Variants in RIC1 observed in about 807,000 individuals in gnomAD.
The protein encoded by RIC1 is guanine nucleotide exchange factor subunit RIC1.
RIC1 carries 88 observed loss-of-function variants against 169.0 expected under a neutral mutation model. That is an observed-to-expected ratio of 0.52 (90% CI 0.44 to 0.62). The LOEUF is 0.62. RIC1 is among the 20% of genes least tolerant of loss of function. The pLI, the probability that RIC1 is intolerant of heterozygous loss-of-function variation, is 0.00. For synonymous variants in RIC1, 790 were observed against 601.5 expected (o/e 1.31, Z -4.59); for missense variants, 1,877 against 1,725.5 (o/e 1.09, Z -1.56).
chr9:5,728,475 G>A (rs1035619133), intron 6 of RIC1, among the ~76,000 whole-genome samples: 5 of 152,186 alleles, frequency 3.3e-5, no homozygotes, highest in African/African-American at 1.2e-4. Flanking sequence ...GGAATTCCCC[G>A]ACCCCTTGCA....
chr9:5,703,529 G>C (rs532497178), intron 3 of RIC1, among the ~76,000 whole-genome samples: 1 of 152,120 alleles, frequency 6.6e-6, no homozygotes, highest in Non-Finnish European at 1.5e-5. Flanking sequence ...TCTTGTCTGT[G>C]TCTCTCTGGA....
intron 6 of RIC1, among the ~76,000 whole-genome samples, chr9:5,721,449 C>T (rs549351611): frequency 3.3e-5 from 5 of 152,192 alleles, no homozygotes; most frequent in East Asian, 1.9e-4. Context: ...CACACACGCG[C>T]GTGCACACAC....
chr9:5,676,980 A>C (rs559460973), intron 2 of RIC1, among the ~76,000 whole-genome samples: 2 of 152,364 alleles, frequency 1.3e-5, no homozygotes, highest in East Asian at 3.9e-4. Context: ...ACAAAACTAC[A>C]TGAACATTGA....
chr9:5,712,161 A>C (rs948841237), intron 3 of RIC1, among the ~76,000 whole-genome samples: 9 of 152,202 alleles, frequency 5.9e-5, no homozygotes, highest in African/African-American at 2.2e-4. Context: ...ACTGTCTTCC[A>C]CAATAGTTGA....
intron 2 of RIC1, among the ~76,000 whole-genome samples, chr9:5,678,968 AT>A (rs1325964813): frequency 6.6e-6 from 1 of 151,994 alleles, no homozygotes; most frequent in African/African-American, 2.4e-5. Flanking sequence ...TAGGGTTTTT[AT>A]GGTTTTAGGT....
At chr9:5,652,101 T>C (rs1487124606) in intron 1 of RIC1, among the ~76,000 whole-genome samples, 4 of 148,280 alleles carry the variant, frequency 2.7e-5, no homozygotes, top group Admixed American at 2.6e-4. Context: ...CATGGTGTTT[T>C]GGTTAATACA....
intron 13 of RIC1, 33 bp from the exon 14 acceptor site, chr9:5,753,503 C>T: frequency 7.4e-7 from 1 of 1,351,990 alleles, no homozygotes; most frequent in South Asian, 1.3e-5. Context: ...TATAGGTTTG[C>T]AAGGAAAAGT....
chr9:5,631,114 C>T (rs1342332564), intron 1 of RIC1, among the ~76,000 whole-genome samples: 1 of 152,160 alleles, frequency 6.6e-6, no homozygotes, highest in East Asian at 1.9e-4. Context: ...GAAGCATAAA[C>T]ATATGCTTTA....
intron 2 of RIC1, among the ~76,000 whole-genome samples, chr9:5,677,898 G>A (rs1328316720): frequency 2.0e-5 from 3 of 151,784 alleles, no homozygotes; most frequent in African/African-American, 7.3e-5. Flanking sequence ...TGTGCACAAT[G>A]TGTAGGTTTG....
chr9:5,763,310 T>C lies in RIC1; in HGVS notation c.2283T>C (p.His761=). The C allele has an allele frequency of 1.2e-6, 2 of 1,614,152 alleles. No homozygotes were observed. Among genetic ancestry groups the C allele is most frequent in the South Asian group, 1.1e-5 (1 of 91,086 alleles). The change falls in exon 19 of 26, where the codon CAT becomes CAC. Residue 761 remains histidine, a synonymous_variant. Transcript: ENST00000414202. The surrounding 1 kb of genome is among the most constrained non-coding windows in gnomAD (Gnocchi z 5.2). The part of the protein sequence containing the change: ...PLFPRDHRKP[H]SFLSQRIMLP... ...TCCCTAGGGATCACCGCAAGCCCCA[T>C]TCCTTCTTGTCCCAGCGGATCATGC...
At chr9:5,759,499 T>C (rs779144920) in intron 17 of RIC1, among the ~76,000 whole-genome samples, 5 of 152,208 alleles carry the variant, frequency 3.3e-5, no homozygotes, top group Non-Finnish European at 4.4e-5. Flanking sequence ...TTAAAAGTCA[T>C]TTGTGAGGCA....
At chr9:5,706,450 C>G (rs1822590075) in intron 3 of RIC1, among the ~76,000 whole-genome samples, 1 of 150,532 alleles carries the variant, frequency 6.6e-6, no homozygotes, top group Non-Finnish European at 1.5e-5. Flanking sequence ...GACTCTGTCT[C>G]AAAAAAAAGG....
intron 3 of RIC1, among the ~76,000 whole-genome samples, chr9:5,704,339 T>G (rs1822425978): frequency 6.6e-6 from 1 of 151,796 alleles, no homozygotes; most frequent in Admixed American, 6.6e-5. Flanking sequence ...GTCACCAGAG[T>G]AGCTGGGACT....
rs1423770235 is a variant in RIC1 at position 5,746,155 on chromosome 9, T to C, written c.1248+72T>C. 11 of 1,182,812 alleles carry C rather than the reference T, an allele frequency of 9.3e-6. No homozygotes were observed. In the African/African-American group the frequency reaches 1.2e-4, roughly 13 times the overall value. 73.3% of individuals were successfully genotyped at this position (1,182,812 alleles called of 1,614,324 possible). On this transcript the variant is annotated intron_variant, in intron 11 of 25. Coordinates refer to ENST00000414202, the MANE Select transcript of RIC1 (RefSeq NM_020829.4). ...AGCTCAGACCCTTCTTTATGACATATGTATGGCGTATACTTCTAAAATTGG... is the reference window on the plus strand; with the variant it reads ...AGCTCAGACCCTTCTTTATGACATACGTATGGCGTATACTTCTAAAATTGG...
At position 5,763,974 on chromosome 9, in the gene RIC1, C is replaced by G. The variant is rs1162435060; in HGVS notation, c.2841+106C>G. ...TGATTGTGTTTAAGGAATTCATAGT[C>G]AAATTTTCTGTTTATATCTTTAATT... On this transcript the variant is annotated intron_variant, in intron 19 of 25. Transcript: ENST00000414202. This position sits in a 1 kb window ranked among gnomAD's most constrained non-coding sequence, Gnocchi z 5.2. The G allele has an allele frequency of 7.9e-7, 1 of 1,271,614 alleles. No individual in the cohort carries two copies. The highest frequency in any genetic ancestry group is 1.5e-5 in the African/African-American group (1 of 66,942). The allele number at this position is 1,271,614 out of a possible 1,614,324, so 78.8% of individuals were successfully genotyped here. A position where few individuals can be genotyped will look rare whatever the true frequency, so the allele number is the denominator to read the frequency against.
chr9:5,667,331 A>C (rs1258069113), intron 2 of RIC1, among the ~76,000 whole-genome samples: 2 of 152,168 alleles, frequency 1.3e-5, no homozygotes, highest in East Asian at 1.9e-4. Context: ...CAGGAAAAAA[A>C]CAATTTTTGT....
intron 1 of RIC1, among the ~76,000 whole-genome samples, chr9:5,639,008 C>G (rs553643275): frequency 3.9e-4 from 60 of 152,202 alleles, no homozygotes; most frequent in African/African-American, 1.4e-3. Flanking sequence ...CTCAACCTCC[C>G]AAGTTCATGT....
At chr9:5,675,952 G>T (rs980795157) in intron 2 of RIC1, among the ~76,000 whole-genome samples, 1 of 152,168 alleles carries the variant, frequency 6.6e-6, no homozygotes, top group African/African-American at 2.4e-5. Context: ...GACAGTAAAA[G>T]AAATCTAATC....
intron 2 of RIC1, among the ~76,000 whole-genome samples, chr9:5,663,577 G>A (rs905933879): frequency 6.6e-6 from 1 of 152,026 alleles, no homozygotes; most frequent in Non-Finnish European, 1.5e-5. Flanking sequence ...AACGCCCTTT[G>A]CCTTTTTTAT....
Sources: allele counts gnomAD v4.1 joint callset (sites outside exome capture counted in the v4.1 genomes callset), GRCh38; gene constraint gnomAD v4.1.1; non-coding constraint Gnocchi (gnomAD v3.1); transcripts MANE v1.5; gene names NCBI Gene and HGNC (gene_info 2026-07-23, HGNC 2026-07-21).